PID1: variants seen among roughly 807,000 people sequenced by gnomAD.
PID1 encodes the protein phosphotyrosine interaction domain containing 1, also known as PTB-containing, cubilin and LRP1-interacting protein.
PID1 carries 10 observed loss-of-function variants against 19.1 expected under a neutral mutation model. That is an observed-to-expected ratio of 0.52 (90% CI 0.32 to 0.89). The LOEUF is 0.89. PID1 is among the 40% of genes least tolerant of loss of function. PID1 has a pLI of 0.03. For synonymous variants in PID1, 130 were observed against 116.0 expected, an observed-to-expected ratio of 1.12 and a Z score of -0.78; for missense variants, 248 against 285.3, an observed-to-expected ratio of 0.87 and a Z score of 0.94.
intron 2 of PID1, among the ~76,000 whole-genome samples, chr2:229,030,052 G>A (rs1693514506): frequency 6.6e-6 from 1 of 152,106 alleles, no homozygotes; most frequent in South Asian, 2.1e-4. Flanking sequence ...TATGTATAAT[G>A]TATACTGGAA....
intron 1 of PID1, among the ~76,000 whole-genome samples, chr2:229,220,338 G>T (rs956135318): frequency 6.6e-6 from 1 of 152,210 alleles, no homozygotes; most frequent in Non-Finnish European, 1.5e-5. Flanking sequence ...GAGAGCCCCA[G>T]ATGGAGGGGC....
intron 1 of PID1, among the ~76,000 whole-genome samples, chr2:229,218,484 T>C (rs536528568): frequency 6.6e-6 from 1 of 152,232 alleles, no homozygotes; most frequent in African/African-American, 2.4e-5. Context: ...GGAACCAAGC[T>C]GAAGCTTTGC....
At chr2:229,258,268 G>T (rs1000498421) in intron 1 of PID1, among the ~76,000 whole-genome samples, 4 of 152,162 alleles carry the variant, frequency 2.6e-5, no homozygotes, top group African/African-American at 9.7e-5. Context: ...TCCACCCTTT[G>T]GTCTGGATTT....
intron 1 of PID1, among the ~76,000 whole-genome samples, chr2:229,157,869 A>T (rs1690408824): frequency 6.6e-6 from 1 of 152,204 alleles, no homozygotes; most frequent in Admixed American, 6.5e-5. Flanking sequence ...AGGAAAGGGA[A>T]AGGTGAGGCA....
chr2:229,259,866 T>A (rs1690409825), intron 1 of PID1, among the ~76,000 whole-genome samples: 1 of 152,164 alleles, frequency 6.6e-6, no homozygotes, highest in Non-Finnish European at 1.5e-5. Context: ...CATCCAGCCC[T>A]TACCTTATGT....
intron 2 of PID1, among the ~76,000 whole-genome samples, chr2:229,110,853 C>A (rs115637521): frequency 2.6e-5 from 4 of 152,060 alleles, no homozygotes; most frequent in African/African-American, 7.2e-5. Flanking sequence ...TGCTCACTCA[C>A]GTAGGGCAGA....
chr2:229,165,130 G>C (rs1039618301), intron 1 of PID1, among the ~76,000 whole-genome samples: 2 of 152,186 alleles, frequency 1.3e-5, no homozygotes, highest in Non-Finnish European at 2.9e-5. Context: ...ATTAGCACTA[G>C]ACTACATGTT....
intron 1 of PID1, among the ~76,000 whole-genome samples, chr2:229,229,557 G>A (rs759890528): frequency 3.9e-5 from 6 of 152,296 alleles, no homozygotes; most frequent in South Asian, 4.1e-4. Flanking sequence ...GATCGCCTGA[G>A]CCCAGGAAGT....
At chr2:229,229,779 C>T (rs1692162993) in intron 1 of PID1, among the ~76,000 whole-genome samples, 1 of 152,222 alleles carries the variant, frequency 6.6e-6, no homozygotes, top group Admixed American at 6.5e-5. Context: ...CATCTCCCAC[C>T]CGTCTTCTCC....
At chr2:229,192,045 C>G (rs1022607900) in intron 1 of PID1, among the ~76,000 whole-genome samples, 6 of 151,668 alleles carry the variant, frequency 4.0e-5, no homozygotes, top group Non-Finnish European at 7.4e-5. Context: ...TGAACACACA[C>G]TATATAAGTA....
rs1039634538 is a variant in PID1, at chr2:229,085,779, A to C, written c.178-59671T>G. On this transcript the variant is annotated intron_variant, in intron 2 of 2. Transcript: ENST00000392055. ...AGACCACAAAATTCAACTCAATTTC[A>C]GCTGATCTGCATCATACCAAATAAT... is the stretch of plus-strand genomic sequence containing the variant. Among the ~76,000 whole-genome samples, 8 of 152,144 alleles carry C rather than the reference A, an allele frequency of 5.3e-5. No individual in the cohort carries two copies. The South Asian group carries it at 1.4e-3, about 28-fold the overall frequency.
intron 2 of PID1, among the ~76,000 whole-genome samples, chr2:229,041,577 C>T (rs62190542): frequency 0.089 from 13,513 of 152,152 alleles, 828 homozygotes; most frequent in South Asian, 0.14. Flanking sequence ...TCAGTGGATG[C>T]TAAAATTTGG....
chr2:229,069,143 T>TTTTTTTTTTTTGTGTG (rs369977117), intron 2 of PID1, among the ~76,000 whole-genome samples: 1 of 140,630 alleles, frequency 7.1e-6, no homozygotes, highest in African/African-American at 2.7e-5. Flanking sequence ...AGAAGGGTTT[T>TTTTTTTTTTTTGTGTG]TGTGTGTGTG....
chr2:229,227,534 T>C (rs1276099162), intron 1 of PID1, among the ~76,000 whole-genome samples: 1 of 152,196 alleles, frequency 6.6e-6, no homozygotes, highest in African/African-American at 2.4e-5. Flanking sequence ...AGCCTTCCTC[T>C]TCAGAGGCTG....
At chr2:229,089,445 G>C (rs971820305) in intron 2 of PID1, among the ~76,000 whole-genome samples, 1 of 152,146 alleles carries the variant, frequency 6.6e-6, no homozygotes, top group Non-Finnish European at 1.5e-5. Context: ...AAAAGGAAAA[G>C]AAATAATCAA....
At chr2:229,026,730 T>C (rs1693432672) in intron 2 of PID1, among the ~76,000 whole-genome samples, 2 of 152,180 alleles carry the variant, frequency 1.3e-5, no homozygotes, top group South Asian at 4.1e-4. Flanking sequence ...ACCTAAACTG[T>C]TTTTGAACTG....
chr2:229,256,750 G>T (rs1018225117), intron 1 of PID1, among the ~76,000 whole-genome samples: 2 of 152,164 alleles, frequency 1.3e-5, no homozygotes, highest in South Asian at 2.1e-4. Flanking sequence ...CTGAAATAGG[G>T]GAAGATATTA....
intron 1 of PID1, among the ~76,000 whole-genome samples, chr2:229,167,931 G>A (rs1307625120): frequency 6.6e-6 from 1 of 152,024 alleles, no homozygotes; most frequent in Non-Finnish European, 1.5e-5. Context: ...ATACTTTTTA[G>A]AACTAACTTT....
At chr2:229,266,160 A>G (rs1477702017) in intron 1 of PID1, among the ~76,000 whole-genome samples, 1 of 152,190 alleles carries the variant, frequency 6.6e-6, no homozygotes, top group African/African-American at 2.4e-5. Flanking sequence ...GAAAACAACA[A>G]CAAAATCTAG....
Sources: allele counts gnomAD v4.1 joint callset (sites outside exome capture counted in the v4.1 genomes callset), GRCh38; gene constraint gnomAD v4.1.1; transcripts MANE v1.5; gene names NCBI Gene and HGNC (gene_info 2026-07-23, HGNC 2026-07-21).